PXDNL: variants seen among roughly 807,000 people sequenced by gnomAD.
PXDNL encodes probable oxidoreductase PXDNL.
Under a neutral mutation model 150.8 loss-of-function variants are expected in PXDNL, and 145 were observed. The ratio of observed to expected loss-of-function variants is 0.96; its 90% CI spans 0.84 to 1.10. PXDNL has a LOEUF of 1.10. PXDNL is among the 50% of genes least tolerant of loss of function. The probability of loss-of-function intolerance (pLI) is 0.00; values close to 1 mark genes in which losing one functional copy is unlikely to be tolerated. For missense variants in PXDNL, 2,087 were observed against 1,873.9 expected, an observed-to-expected ratio of 1.11 and a Z score of -2.10; for synonymous variants, 757 against 725.7, an observed-to-expected ratio of 1.04 and a Z score of -0.69.
At chr8:51,620,836 A>C (rs185346344) in intron 2 of PXDNL, among the ~76,000 whole-genome samples, 1 of 152,334 alleles carries the variant, frequency 6.6e-6, no homozygotes, top group Admixed American at 6.5e-5. Flanking sequence ...GTGGGCCACC[A>C]TGCCTGGCCT....
intron 1 of PXDNL, among the ~76,000 whole-genome samples, chr8:51,656,061 C>T (rs911890820): frequency 1.3e-5 from 2 of 152,028 alleles, no homozygotes; most frequent in African/African-American, 2.4e-5. Context: ...ATGTTAGGCC[C>T]AAGGAGAAGT....
chr8:51,376,250 G>A (rs1453529532), intron 17 of PXDNL, among the ~76,000 whole-genome samples: 1 of 152,158 alleles, frequency 6.6e-6, no homozygotes. Context: ...GTCACCTGGA[G>A]AGCTGTACAG....
intron 14 of PXDNL, among the ~76,000 whole-genome samples, chr8:51,418,586 A>G (rs1465999324): frequency 6.6e-6 from 1 of 152,178 alleles, no homozygotes; most frequent in Non-Finnish European, 1.5e-5. Flanking sequence ...AATAACTAGA[A>G]CTCACAAGAA....
chr8:51,340,326 A>G (rs1477639027), intron 20 of PXDNL: 2 of 152,228 alleles, frequency 1.3e-5, no homozygotes, highest in African/African-American at 4.8e-5. Flanking sequence ...CTTTGAGTTT[A>G]CTGAAACTTT....
At chr8:51,803,025 G>A (rs1396642878) in intron 1 of PXDNL, among the ~76,000 whole-genome samples, 1 of 152,182 alleles carries the variant, frequency 6.6e-6, no homozygotes, top group African/African-American at 2.4e-5. Flanking sequence ...GAACATCCAG[G>A]TATCCTCAAA....
At chr8:51,597,813 C>A (rs1045177744) in intron 2 of PXDNL, among the ~76,000 whole-genome samples, 4 of 151,762 alleles carry the variant, frequency 2.6e-5, no homozygotes, top group Non-Finnish European at 5.9e-5. Flanking sequence ...CTCCTGGGTT[C>A]AAGCAATTCT....
chr8:51,600,993 A>T (rs1813708802), intron 2 of PXDNL, among the ~76,000 whole-genome samples: 1 of 145,990 alleles, frequency 6.8e-6, no homozygotes, highest in Non-Finnish European at 1.5e-5. Flanking sequence ...TATATCTTAT[A>T]TAAATTATAT....
At chr8:51,495,663 T>A (rs970994717) in intron 5 of PXDNL, among the ~76,000 whole-genome samples, 2 of 152,056 alleles carry the variant, frequency 1.3e-5, no homozygotes, top group African/African-American at 4.8e-5. Flanking sequence ...TCTATGCAAA[T>A]AAACTAGAAA....
intron 1 of PXDNL, among the ~76,000 whole-genome samples, chr8:51,702,767 A>G (rs527603382): frequency 1.3e-4 from 20 of 152,226 alleles, no homozygotes; most frequent in Non-Finnish European, 2.9e-4. Flanking sequence ...TACTTAGAGC[A>G]TCAGAATTTG....
At chr8:51,608,050 A>AAAGC (rs1813893241) in intron 2 of PXDNL, among the ~76,000 whole-genome samples, 1 of 124,702 alleles carries the variant, frequency 8.0e-6, no homozygotes, top group Non-Finnish European at 1.6e-5. Context: ...AGAAAGAAAG[A>AAAGC]AAGAAAGCAA....
intron 4 of PXDNL, among the ~76,000 whole-genome samples, chr8:51,536,612 C>A (rs1339992639): frequency 1.4e-5 from 2 of 146,032 alleles, no homozygotes. Flanking sequence ...TTTTCAATAT[C>A]CCAAGTCTTT....
intron 1 of PXDNL, among the ~76,000 whole-genome samples, chr8:51,767,685 T>C (rs1352096512): frequency 6.6e-6 from 1 of 152,230 alleles, no homozygotes. Flanking sequence ...TGCATGGTCT[T>C]CTAGATCCCC....
At chr8:51,369,605 T>C (rs1489104835) in intron 19 of PXDNL, among the ~76,000 whole-genome samples, 1 of 151,956 alleles carries the variant, frequency 6.6e-6, no homozygotes, top group African/African-American at 2.4e-5. Flanking sequence ...TTCATATCTT[T>C]AGGTAATTTT....
At chr8:51,578,071 GAAAAGAAAGAA>G (rs1455190046) in intron 3 of PXDNL, among the ~76,000 whole-genome samples, 1 of 107,732 alleles carries the variant, frequency 9.3e-6, no homozygotes, top group African/African-American at 3.8e-5. Context: ...AGGAAAGAAA[GAAAAGAAAGAA>G]AAAGAGAAAG....
chr8:51,478,728 A>T (rs1376209174), intron 6 of PXDNL, among the ~76,000 whole-genome samples: 1 of 152,174 alleles, frequency 6.6e-6, no homozygotes, highest in Admixed American at 6.5e-5. Context: ...TTATTGTTGA[A>T]GGTGGAATTC....
Position 51,453,525 on chromosome 8 carries a change from C to G in PXDNL, c.1243G>C (p.Val415Leu). ...GTVQAAANII[V>L]QAPPQFTVTP... is the part of the protein sequence containing the mutation. ...TGACCTTCTGCTCCCATACCTTGTA[C>G]AATTATGTTTGCTGCAGCTTGAACA... The change falls in exon 10 of 23, where the codon GTA (valine) becomes CTA (leucine). Residue 415 changes from valine to leucine, a missense_variant. Transcript: ENST00000356297. 1 of 1,613,946 alleles carries G rather than the reference C, an allele frequency of 6.2e-7. No homozygotes were observed.
At chr8:51,669,717 C>G (rs1216494788) in intron 1 of PXDNL, among the ~76,000 whole-genome samples, 1 of 152,142 alleles carries the variant, frequency 6.6e-6, no homozygotes, top group Non-Finnish European at 1.5e-5. Context: ...AATGTCCATG[C>G]TGGGCAGAAT....
chr8:51,764,132 T>C lies in PXDNL; in HGVS notation c.164+45049A>G, dbSNP rs527611096. ...CTTATAATCCCTTTTATTTCTATAA[T>C]TTCAGAAATAATGTCCTCTCTTTAT... is the stretch of plus-strand genomic sequence containing the variant. On this transcript the variant is annotated intron_variant, in intron 1 of 22. Transcript: ENST00000356297. Among the ~76,000 whole-genome samples, 3 of 152,312 alleles carry C rather than the reference T, an allele frequency of 2.0e-5. No homozygotes were observed. The South Asian group carries it at 6.2e-4, about 32-fold the overall frequency.
chr8:51,729,410 C>G (rs1229120047), intron 1 of PXDNL, among the ~76,000 whole-genome samples: 1 of 151,866 alleles, frequency 6.6e-6, no homozygotes, highest in Non-Finnish European at 1.5e-5. Context: ...CGCTTAATAT[C>G]ATAGTCATTA....
Sources: gnomAD v4.1 joint callset for allele counts (sites outside exome capture counted in the v4.1 genomes callset) on GRCh38, gnomAD v4.1.1 for gene constraint, MANE v1.5 for transcripts, NCBI Gene and HGNC (gene_info 2026-07-23, HGNC 2026-07-21) for gene names.